The following CHD2 variants were observed in gnomAD, a reference collection of about 807,000 sequenced individuals.
CHD2 encodes the protein chromodomain helicase DNA binding protein 2.
Under a neutral mutation model 243.9 loss-of-function variants are expected in CHD2, and 28 were observed. The observed-to-expected ratio is 0.11, with a 90% confidence interval of 0.09 to 0.16. The LOEUF is 0.16. Among genes scored for constraint, CHD2 ranks in the 10% least tolerant of loss-of-function variants. CHD2 has a pLI of 1.00. For synonymous variants in CHD2, 775 were observed against 779.0 expected (o/e 0.99, Z 0.09); for missense variants, 1,386 against 2,209.8 (o/e 0.63, Z 7.47).
intron 38 of CHD2, 26 bp from the exon 39 acceptor site, chr15:93,024,346 G>T: frequency 6.3e-7 from 1 of 1,595,522 alleles, no homozygotes; most frequent in Admixed American, 1.7e-5. Context: ...TCAGTCTTTC[G>T]ACTAATCCTT....
intron 22 of CHD2, among the ~76,000 whole-genome samples, chr15:92,980,241 A>G (rs1169172075): frequency 1.3e-4 from 11 of 84,052 alleles, no homozygotes; most frequent in Non-Finnish European, 1.7e-4. Context: ...TTTTTTTTTT[A>G]GTAGAGACAG....
intron 28 of CHD2, among the ~76,000 whole-genome samples, chr15:92,993,862 C>G (rs536129532): frequency 6.6e-6 from 1 of 152,092 alleles, no homozygotes; most frequent in Non-Finnish European, 1.5e-5. Context: ...GTGGGAGGTT[C>G]GATTGAGACC....
At chr15:93,007,257 T>C (rs1365652834) in intron 34 of CHD2, among the ~76,000 whole-genome samples, 2 of 152,270 alleles carry the variant, frequency 1.3e-5, no homozygotes, top group Admixed American at 1.3e-4. Flanking sequence ...ATCTGAGGAC[T>C]ATGAAATACT....
intron 32 of CHD2, among the ~76,000 whole-genome samples, chr15:93,001,771 C>A (rs1005550140): frequency 2.6e-5 from 4 of 152,176 alleles, no homozygotes; most frequent in African/African-American, 9.7e-5. Context: ...TCTGCCTCAG[C>A]CTCCCAAAGT....
Position 93,009,039 on chromosome 15 carries a change from A to T in CHD2, c.4414-106A>T, listed in dbSNP as rs927359136. ...TTTACCCACTCTTCCTCTAGCAATT[A>T]TATGGCATAGGGGTGGGCTGTGTTT... is the stretch of plus-strand genomic sequence containing the variant. On this transcript the variant is annotated intron_variant, in intron 34 of 38. Coordinates refer to ENST00000394196, the MANE Select transcript of CHD2 (RefSeq NM_001271.4). The T allele has an allele frequency of 4.8e-6, 6 of 1,248,630 alleles. No individual in the cohort carries two copies. The African/African-American group carries it at 6.0e-5, about 13-fold the overall frequency. 77.3% of individuals were successfully genotyped at this position (1,248,630 alleles called of 1,614,324 possible). A position where few individuals can be genotyped will look rare whatever the true frequency, so the allele number is the denominator to read the frequency against.
chr15:92,992,626 ATTATT>A (rs1307344082), intron 27 of CHD2, among the ~76,000 whole-genome samples: 2 of 152,106 alleles, frequency 1.3e-5, no homozygotes, highest in Non-Finnish European at 2.9e-5. Flanking sequence ...GTTTTTTGGA[ATTATT>A]TTGTTTTGTG....
At chr15:92,991,671 G>A (rs1246249760) in intron 27 of CHD2, 154 bp downstream of exon 27, 29 of 509,450 alleles carry the variant, frequency 5.7e-5, no homozygotes, top group Middle Eastern at 9.9e-4. Flanking sequence ...TTGGGTGCCT[G>A]TTCATTCATG....
chr15:93,018,239 T>C (rs2054487473), intron 37 of CHD2, among the ~76,000 whole-genome samples: 1 of 152,224 alleles, frequency 6.6e-6, no homozygotes, highest in Non-Finnish European at 1.5e-5. Context: ...TTGTTAATTC[T>C]TAGGGTGAAT....
At chr15:93,019,273 CGGA>C (rs1426813682) in intron 37 of CHD2, among the ~76,000 whole-genome samples, 1 of 152,030 alleles carries the variant, frequency 6.6e-6, no homozygotes, top group Non-Finnish European at 1.5e-5. Flanking sequence ...GATGTGTAAC[CGGA>C]GGATATTACT....
At chr15:92,964,517 A>G (rs959704572) in intron 16 of CHD2, among the ~76,000 whole-genome samples, 13 of 152,240 alleles carry the variant, frequency 8.5e-5, no homozygotes, top group African/African-American at 3.1e-4. Flanking sequence ...GGTTTAGTCA[A>G]ATAGCTTTGG....
rs182833196 is a variant in CHD2 at position 92,998,719 on chromosome 15, A to G, written c.4008+98A>G. The G allele has an allele frequency of 9.1e-5, 128 of 1,401,318 alleles. No individual in the cohort carries two copies. The Admixed American group carries it at 1.2e-3, about 13-fold the overall frequency. 86.8% of individuals were successfully genotyped at this position (1,401,318 alleles called of 1,614,324 possible). ...GAGGCCCTCTCTGAGCACTGCACAG[A>G]ATGTCACCTTCTCATGGGCATATTT... On this transcript the variant is annotated intron_variant, in intron 31 of 38. Coordinates refer to ENST00000394196, the MANE Select transcript of CHD2 (RefSeq NM_001271.4). The surrounding 1 kb of genome is among the most constrained non-coding windows in gnomAD (Gnocchi z 5.1).
intron 38 of CHD2, among the ~76,000 whole-genome samples, chr15:93,023,263 G>GA (rs1310545673): frequency 1.3e-5 from 2 of 152,208 alleles, no homozygotes; most frequent in Non-Finnish European, 2.9e-5. Context: ...ATTTCATATA[G>GA]AAAGAGTCAT....
chr15:92,998,336 T>A lies in CHD2; in HGVS notation c.3886-163T>A. The A allele has an allele frequency of 2.9e-6, 4 of 1,367,784 alleles. No homozygotes were observed. Among genetic ancestry groups the A allele is most frequent in the Non-Finnish European group, 3.9e-6 (4 of 1,032,648 alleles). 84.7% of individuals were successfully genotyped at this position (1,367,784 alleles called of 1,614,324 possible). On this transcript the variant is annotated intron_variant, in intron 30 of 38. Coordinates refer to ENST00000394196, the MANE Select transcript of CHD2 (RefSeq NM_001271.4). This position sits in a 1 kb window ranked among gnomAD's most constrained non-coding sequence, Gnocchi z 5.1. ...AGAACGGCTCGTGAGGGATTTTCAG[T>A]GACTGGGAGCCATGGACATGAGATA...
At chr15:92,969,191 C>G (rs1462647519) in intron 17 of CHD2, among the ~76,000 whole-genome samples, 1 of 152,180 alleles carries the variant, frequency 6.6e-6, no homozygotes, top group Non-Finnish European at 1.5e-5. Flanking sequence ...CTAGATACTT[C>G]CAGTTTACTT....
intron 1 of CHD2, 107 bp from the exon 2 acceptor site, chr15:92,901,060 C>CCCAA (rs899984968): frequency 3.4e-5 from 21 of 620,906 alleles, no homozygotes; most frequent in Admixed American, 1.6e-4. Context: ...TTGGTGCTTA[C>CCCAA]CGTTGTTGTG....
At chr15:93,006,853 T>G (rs1409262373) in intron 34 of CHD2, among the ~76,000 whole-genome samples, 1 of 152,236 alleles carries the variant, frequency 6.6e-6, no homozygotes, top group East Asian at 1.9e-4. Flanking sequence ...GCAGTCACAT[T>G]TGTTGAGATT....
intron 26 of CHD2, among the ~76,000 whole-genome samples, chr15:92,988,797 A>G (rs537745471): frequency 6.6e-6 from 1 of 151,868 alleles, no homozygotes; most frequent in South Asian, 2.1e-4. Flanking sequence ...TCAACTCTAG[A>G]ATTTCTATTT....
intron 38 of CHD2, chr15:93,020,627 G>A (rs2054523447): frequency 2.5e-6 from 1 of 403,544 alleles, no homozygotes; most frequent in South Asian, 4.3e-5. Context: ...CCTGCCACGA[G>A]CCCATAATTG....
rs368248581 is a variant in CHD2 at position 93,014,748 on chromosome 15, A to C, written c.4745A>C (p.Glu1582Ala). Residue 1582 changes from glutamate to alanine, a missense_variant, in exon 37 of 39, where the codon GAG becomes GCG. Physicochemically the swap from Glu to Ala is moderately radical, Grantham distance 107 (BLOSUM62 -1). This residue lies in a region of CHD2 where 347 missense variants were observed against 341.6 expected (regional missense o/e 1.02). Transcript: ENST00000394196. ...VTGGKKPFRP[E>A]ASGSSRDSLI... ...GGGGGTAAGAAACCATTTCGTCCAG[A>C]GGCCTCAGGCTCCAGCCGGGACTCT... The C allele has an allele frequency of 6.2e-7, 1 of 1,614,188 alleles. No homozygotes were observed. Among genetic ancestry groups the C allele is most frequent in the Non-Finnish European group, 8.5e-7 (1 of 1,180,030 alleles).
Sources: allele counts gnomAD v4.1 joint callset (sites outside exome capture counted in the v4.1 genomes callset), GRCh38; gene constraint gnomAD v4.1.1; regional missense constraint gnomAD v4.1.1; non-coding constraint Gnocchi (gnomAD v3.1); transcripts MANE v1.5; gene names NCBI Gene and HGNC (gene_info 2026-07-23, HGNC 2026-07-21).